Variants in AKAP6 observed in about 807,000 individuals in gnomAD.
AKAP6 encodes the protein A-kinase anchor protein 6.
AKAP6 carries 58 observed loss-of-function variants against 188.5 expected under a neutral mutation model. The observed-to-expected ratio is 0.31, with a 90% CI of 0.25 to 0.38. The LOEUF (loss-of-function observed/expected upper bound fraction) is 0.38, where lower values mean the gene tolerates loss of function less well. Among genes scored for constraint, AKAP6 ranks in the 10% least tolerant of loss-of-function variants. AKAP6 has a pLI of 1.00. For synonymous variants in AKAP6, 989 were observed against 998.6 expected (o/e 0.99, Z 0.18); for missense variants, 2,710 against 2,740.0 (o/e 0.99, Z 0.24).
intron 7 of AKAP6, among the ~76,000 whole-genome samples, chr14:32,622,967 G>A (rs1308381929): frequency 2.0e-5 from 3 of 152,144 alleles, no homozygotes; most frequent in African/African-American, 7.2e-5. Context: ...GATGCCTCAC[G>A]ATAGGACCAT....
intron 1 of AKAP6, among the ~76,000 whole-genome samples, chr14:32,389,147 A>G (rs1160001541): frequency 1.3e-5 from 2 of 152,132 alleles, no homozygotes; most frequent in African/African-American, 4.8e-5. Flanking sequence ...TTTGTCTGAT[A>G]CAAGAATAGC....
chr14:32,797,052 GA>G (rs1478992946), intron 12 of AKAP6, among the ~76,000 whole-genome samples: 2 of 152,136 alleles, frequency 1.3e-5, no homozygotes, highest in African/African-American at 4.8e-5. Context: ...GATCATTAGA[GA>G]AATGCAAATC....
chr14:32,682,081 G>A (rs899177855), intron 8 of AKAP6, among the ~76,000 whole-genome samples: 1 of 151,950 alleles, frequency 6.6e-6, no homozygotes, highest in African/African-American at 2.4e-5. Context: ...GTAGGGAAGA[G>A]GGGAGGGCTC....
In AKAP6 at chr14:32,811,241, G is replaced by GAAAAAAA. The variant is rs529886144; in HGVS notation, c.3589-10152_3589-10146dup. ...GTGACAGAGCGAGACTCCGTCTCAG[G>GAAAAAAA]AAAAAAAAAAAAAAAGTTGAAAAAC... On this transcript the variant is annotated intron_variant, in intron 12 of 13. Transcript: ENST00000280979. Among the ~76,000 whole-genome samples, 11 of 55,604 alleles carry GAAAAAAA rather than the reference G, an allele frequency of 2.0e-4. No individual in the cohort carries two copies. The East Asian group carries it at 3.8e-3, about 19-fold the overall frequency. 36.5% of individuals were successfully genotyped at this position (55,604 alleles called of 152,430 possible).
intron 1 of AKAP6, among the ~76,000 whole-genome samples, chr14:32,396,843 A>G (rs2138600345): frequency 6.6e-6 from 1 of 152,314 alleles, no homozygotes; most frequent in South Asian, 2.1e-4. Context: ...CTGGTTTTCC[A>G]GTTACATGAG....
intron 7 of AKAP6, among the ~76,000 whole-genome samples, chr14:32,630,447 G>T (rs1887220220): frequency 6.6e-6 from 1 of 151,970 alleles, no homozygotes; most frequent in South Asian, 2.1e-4. Context: ...ACTTTTTAAT[G>T]CAATGGAATT....
rs139552637 is a variant in AKAP6, at chr14:32,378,231, A to G, written c.-35+48823A>G. 4.3e-4 allele frequency among the ~76,000 whole-genome samples: 66 copies of G among 152,340 alleles called. 1 individual carries two copies. In the East Asian group the frequency reaches 0.012, roughly 28 times the overall value. ...TAACATTTAGCATCACTATAATAAT[A>G]CTGAAATATTTAGAGCAAGTATTAG... On this transcript the variant is annotated intron_variant, in intron 1 of 13. Transcript: ENST00000280979.
At chr14:32,407,571 T>G (rs111943150) in intron 1 of AKAP6, among the ~76,000 whole-genome samples, 2,755 of 152,310 alleles carry the variant, frequency 0.018, 82 homozygotes, top group African/African-American at 0.062. Flanking sequence ...AACTGATATT[T>G]ACTGCATGTT....
intron 1 of AKAP6, among the ~76,000 whole-genome samples, chr14:32,380,462 A>G (rs745811044): frequency 9.2e-5 from 14 of 152,318 alleles, no homozygotes; most frequent in Admixed American, 2.0e-4. Flanking sequence ...ACAAACTAGC[A>G]AATGTTTGGT....
At chr14:32,533,308 T>C (rs1045801836) in intron 2 of AKAP6, among the ~76,000 whole-genome samples, 1 of 151,984 alleles carries the variant, frequency 6.6e-6, no homozygotes, top group African/African-American at 2.4e-5. Flanking sequence ...AGGCACCTAC[T>C]GGGAAAAAAG....
intron 2 of AKAP6, among the ~76,000 whole-genome samples, chr14:32,505,894 GGTAGATT>G (rs1254047577): frequency 6.6e-6 from 1 of 151,944 alleles, no homozygotes; most frequent in African/African-American, 2.4e-5. Flanking sequence ...TGCTTTTTAT[GGTAGATT>G]TTTTTAAAAA....
intron 8 of AKAP6, among the ~76,000 whole-genome samples, chr14:32,685,616 A>G (rs1303216403): frequency 6.7e-6 from 1 of 149,278 alleles, no homozygotes; most frequent in East Asian, 2.1e-4. Context: ...CCCAGCTACT[A>G]GGGAGGCTGA....
chr14:32,791,445 G>A (rs1197917169), intron 12 of AKAP6, among the ~76,000 whole-genome samples: 1 of 151,944 alleles, frequency 6.6e-6, no homozygotes, highest in East Asian at 1.9e-4. Context: ...CATATCTTTT[G>A]TCCACTTTTT....
intron 1 of AKAP6, among the ~76,000 whole-genome samples, chr14:32,360,747 G>A (rs2138485165): frequency 6.6e-6 from 1 of 150,568 alleles, no homozygotes; most frequent in East Asian, 2.0e-4. Flanking sequence ...GTGTGTGTGT[G>A]TGTGCATGCA....
rs142992892 is a variant in AKAP6, at chr14:32,799,069, G to T, written c.3589-22333G>T. 2.0e-5 allele frequency among the ~76,000 whole-genome samples: 3 copies of T among 152,228 alleles called. No homozygotes were observed. In the East Asian group the frequency reaches 5.8e-4, roughly 29 times the overall value. On this transcript the variant is annotated intron_variant, in intron 12 of 13. Transcript: ENST00000280979. The stretch of plus-strand genomic sequence containing the variant: ...TTGTCTAGAAATAATACGTTGTGTG[G>T]CATAGTAGACAATATATTTTTGCTT...
intron 1 of AKAP6, among the ~76,000 whole-genome samples, chr14:32,342,327 G>T: frequency 6.6e-6 from 1 of 152,220 alleles, no homozygotes; most frequent in Non-Finnish European, 1.5e-5. Flanking sequence ...ATTGTCTTCA[G>T]TCCCTGCCCT....
At chr14:32,428,559 A>G (rs1193574398) in intron 1 of AKAP6, among the ~76,000 whole-genome samples, 1 of 152,100 alleles carries the variant, frequency 6.6e-6, no homozygotes, top group Admixed American at 6.5e-5. Flanking sequence ...GGAAAAAACC[A>G]TTTACAGTGA....
chr14:32,377,900 A>C (rs1243219523), intron 1 of AKAP6, among the ~76,000 whole-genome samples: 2 of 152,136 alleles, frequency 1.3e-5, no homozygotes, highest in Non-Finnish European at 2.9e-5. Context: ...ATGAAGAGTA[A>C]GTTATTTGAA....
At chr14:32,489,890 G>T (rs552312873) in intron 2 of AKAP6, among the ~76,000 whole-genome samples, 89 of 152,368 alleles carry the variant, frequency 5.8e-4, no homozygotes, top group African/African-American at 2.0e-3. Context: ...CAACATGGCT[G>T]TTTATTTCAC....
Sources: gnomAD v4.1 joint callset for allele counts (sites outside exome capture counted in the v4.1 genomes callset) on GRCh38, gnomAD v4.1.1 for gene constraint, MANE v1.5 for transcripts, NCBI Gene and HGNC (gene_info 2026-07-23, HGNC 2026-07-21) for gene names.